CRYBG1: variants seen among roughly 807,000 people sequenced by gnomAD.
CRYBG1 encodes the protein crystallin beta-gamma domain containing 1.
In CRYBG1, 139 loss-of-function variants were observed where a neutral mutation model predicts 189.2. That is an observed-to-expected ratio of 0.73 (90% confidence interval 0.64 to 0.85). The LOEUF is 0.85. Among genes scored for constraint, CRYBG1 ranks in the 40% least tolerant of loss-of-function variants. CRYBG1 has a pLI of 0.00. For synonymous variants in CRYBG1, 1,023 were observed against 1,017.1 expected (o/e 1.01, Z -0.11); for missense variants, 2,611 against 2,675.8 (o/e 0.98, Z 0.53).
intron 1 of CRYBG1, among the ~76,000 whole-genome samples, chr6:106,397,429 G>T (rs1432191430): frequency 6.6e-6 from 1 of 152,170 alleles, no homozygotes; most frequent in Non-Finnish European, 1.5e-5. Flanking sequence ...TAGACTCAAA[G>T]AGAACTTGGA....
chr6:106,557,305 T>A (rs1204709853), intron 17 of CRYBG1, among the ~76,000 whole-genome samples: 3 of 152,232 alleles, frequency 2.0e-5, no homozygotes, highest in Admixed American at 2.0e-4. Context: ...AAAATCTTTT[T>A]ACCAGTCAGG....
At chr6:106,373,458 A>C (rs549086574) in intron 1 of CRYBG1, among the ~76,000 whole-genome samples, 12 of 152,322 alleles carry the variant, frequency 7.9e-5, no homozygotes, top group African/African-American at 2.6e-4. Context: ...CCCAAACTTC[A>C]AATTTGTAGG....
intron 2 of CRYBG1, among the ~76,000 whole-genome samples, chr6:106,482,299 T>C (rs1450971165): frequency 1.3e-5 from 2 of 152,220 alleles, no homozygotes; most frequent in African/African-American, 2.4e-5. Flanking sequence ...CTCAGGATAA[T>C]CTCCCTTTTG....
chr6:106,423,638 T>C (rs1031967072), intron 1 of CRYBG1, among the ~76,000 whole-genome samples: 2 of 151,568 alleles, frequency 1.3e-5, no homozygotes, highest in African/African-American at 4.8e-5. Flanking sequence ...TTAATTCACT[T>C]TTACTTTTTA....
intron 2 of CRYBG1, among the ~76,000 whole-genome samples, chr6:106,495,940 A>G (rs1772841226): frequency 2.0e-5 from 3 of 151,132 alleles, no homozygotes; most frequent in Non-Finnish European, 2.9e-5. Context: ...GTAAGGATTG[A>G]TTTTTATTTT....
At chr6:106,440,803 T>C (rs1046448140) in intron 1 of CRYBG1, among the ~76,000 whole-genome samples, 6 of 152,226 alleles carry the variant, frequency 3.9e-5, no homozygotes, top group Non-Finnish European at 7.3e-5. Context: ...CCACCATCTC[T>C]TTCTGATGAA....
intron 1 of CRYBG1, among the ~76,000 whole-genome samples, chr6:106,448,547 C>G (rs564431654): frequency 6.6e-6 from 1 of 152,268 alleles, no homozygotes; most frequent in African/African-American, 2.4e-5. Flanking sequence ...GGAGAGCAGG[C>G]AGGTTCACAG....
chr6:106,546,753 C>A (rs759529695), intron 13 of CRYBG1, among the ~76,000 whole-genome samples: 1 of 152,174 alleles, frequency 6.6e-6, no homozygotes, highest in Non-Finnish European at 1.5e-5. Flanking sequence ...TGAAATGTTG[C>A]TGGGGCTCTG....
chr6:106,462,522 G>A (rs1167127255), intron 2 of CRYBG1, among the ~76,000 whole-genome samples: 2 of 152,182 alleles, frequency 1.3e-5, no homozygotes, highest in Non-Finnish European at 2.9e-5. Context: ...GTAAGTAAAA[G>A]TAGTTCCTGC....
At chr6:106,492,584 T>C (rs1049887547) in intron 2 of CRYBG1, among the ~76,000 whole-genome samples, 2 of 152,050 alleles carry the variant, frequency 1.3e-5, no homozygotes, top group Non-Finnish European at 2.9e-5. Context: ...GACCCAGAGC[T>C]AGGGTGCTTG....
chr6:106,466,534 A>T (rs1489790462), intron 2 of CRYBG1, among the ~76,000 whole-genome samples: 2 of 152,226 alleles, frequency 1.3e-5, no homozygotes, highest in Non-Finnish European at 2.9e-5. Flanking sequence ...TGAAAAGGGA[A>T]TTGTTGGAAG....
At chr6:106,527,974 A>G (rs1773791913) in intron 7 of CRYBG1, among the ~76,000 whole-genome samples, 1 of 152,176 alleles carries the variant, frequency 6.6e-6, no homozygotes, top group African/African-American at 2.4e-5. Flanking sequence ...GTTTCTTGTT[A>G]TTTGATGAGG....
chr6:106,363,961 A>G (rs548565621), intron 1 of CRYBG1, among the ~76,000 whole-genome samples: 39 of 152,300 alleles, frequency 2.6e-4, no homozygotes, highest in African/African-American at 9.4e-4. Context: ...GCAAAGGTCT[A>G]ATGGAAGAAA....
In CRYBG1 at chr6:106,558,475, T is replaced by C. The variant is rs770792823; in HGVS notation, c.5716-11T>C. 3 of 1,569,886 alleles carry C rather than the reference T, an allele frequency of 1.9e-6. No individual in the cohort carries two copies. The East Asian group carries it at 6.8e-5, about 35-fold the overall frequency. On this transcript the variant is annotated splice_polypyrimidine_tract_variant and intron_variant, in intron 17 of 21. Transcript: ENST00000633556. ...GATGAATAACAGAACATTGTTTTTGTTCCTCAACAGGAATTTTCTGAACCA... is the reference window on the plus strand; with the variant it reads ...GATGAATAACAGAACATTGTTTTTGCTCCTCAACAGGAATTTTCTGAACCA...
intron 1 of CRYBG1, among the ~76,000 whole-genome samples, chr6:106,422,344 A>ATTTATTTATTTATTTATTTTTTTT (rs57640822): frequency 0.016 from 2,298 of 139,886 alleles, 26 homozygotes; most frequent in South Asian, 0.037. Context: ...TTATTTATTT[A>ATTTATTTATTTATTTATTTTTTTT]TTTTTGAGAC....
intron 2 of CRYBG1, among the ~76,000 whole-genome samples, chr6:106,453,626 T>G (rs1369645435): frequency 6.6e-6 from 1 of 152,242 alleles, no homozygotes; most frequent in Non-Finnish European, 1.5e-5. Context: ...AATAATTATT[T>G]GAGCATAATG....
chr6:106,527,464 G>A lies in CRYBG1; in HGVS notation c.4572G>A (p.Val1524=), dbSNP rs1773768592. The change falls in exon 7 of 22, where the codon GTG becomes GTA. Residue 1524 remains valine (V), a synonymous_variant. Coordinates refer to ENST00000633556, the MANE Select transcript of CRYBG1 (RefSeq NM_001371242.2). ...TGGTGATTGGTTCCATCAGACATGT[G>A]GTTCAGGTAGGTTGTGGTAAATATG... ...KPVVIGSIRH[V]VQDYRVSHID... 1 of 1,607,830 alleles carries A rather than the reference G, an allele frequency of 6.2e-7. No homozygotes were observed.
chr6:106,511,027 G>C (rs1347390952), intron 2 of CRYBG1, among the ~76,000 whole-genome samples: 2 of 152,176 alleles, frequency 1.3e-5, no homozygotes, highest in African/African-American at 4.8e-5. Context: ...TCCGCCTTAG[G>C]ATACTTTAGT....
rs185887480 is a variant in CRYBG1, at chr6:106,563,460, A to C, written c.6139-304A>C. ...GGGATCATGGTCACTTATGACAGGG[A>C]AAAATATGATGGGCAGTTCTAATGT... is the stretch of plus-strand genomic sequence containing the variant. On this transcript the variant is annotated intron_variant, in intron 20 of 21. Transcript: ENST00000633556. Among the ~76,000 whole-genome samples the C allele has an allele frequency of 5.3e-5, 8 of 152,264 alleles. No individual in the cohort carries two copies. In the East Asian group the frequency reaches 1.2e-3, roughly 22 times the overall value.
Sources: allele counts gnomAD v4.1 joint callset (sites outside exome capture counted in the v4.1 genomes callset), GRCh38; gene constraint gnomAD v4.1.1; transcripts MANE v1.5; gene names NCBI Gene and HGNC (gene_info 2026-07-23, HGNC 2026-07-21).